Variants in SAMHD1 observed in about 807,000 individuals in gnomAD.
SAMHD1 encodes the protein deoxynucleoside triphosphate triphosphohydrolase SAMHD1.
In SAMHD1, 54 loss-of-function variants were observed where a neutral mutation model predicts 79.6. The ratio of observed to expected loss-of-function variants is 0.68; its 90% CI spans 0.55 to 0.85. The LOEUF is 0.85. Among genes scored for constraint, SAMHD1 ranks in the 40% least tolerant of loss-of-function variants. The pLI is 0.00. For missense variants in SAMHD1, 663 were observed against 782.7 expected (o/e 0.85, Z 1.82); for synonymous variants, 260 against 264.1 (o/e 0.98, Z 0.15).
intron 2 of SAMHD1, among the ~76,000 whole-genome samples, chr20:36,944,927 T>C (rs1435400063): frequency 6.6e-6 from 1 of 152,168 alleles, no homozygotes; most frequent in East Asian, 1.9e-4. Context: ...CCAGATCCTC[T>C]ACTGAGATCA....
chr20:36,894,016 G>A, intron 15 of SAMHD1: 1 of 398,234 alleles, frequency 2.5e-6, no homozygotes, highest in Non-Finnish European at 4.4e-6. Flanking sequence ...ACTATTCTGT[G>A]GTTCTAGCTT....
intron 11 of SAMHD1, among the ~76,000 whole-genome samples, chr20:36,907,359 C>T (rs1357987655): frequency 6.6e-6 from 1 of 151,916 alleles, no homozygotes; most frequent in Non-Finnish European, 1.5e-5. Context: ...CTCCTGGACT[C>T]AGGCAATCCT....
intron 1 of SAMHD1, 92 bp downstream of exon 1, chr20:36,951,344 C>T (rs2063733123): frequency 2.5e-6 from 4 of 1,569,850 alleles, no homozygotes; most frequent in Admixed American, 1.7e-5. Flanking sequence ...GCTCCTCGGC[C>T]TCGGTCCTCT....
intron 9 of SAMHD1, among the ~76,000 whole-genome samples, chr20:36,913,607 A>G (rs74378674): frequency 7.1e-6 from 1 of 140,298 alleles, no homozygotes; most frequent in African/African-American, 2.6e-5. Flanking sequence ...CAACTCAAAG[A>G]AAAAAAAAAA....
At chr20:36,922,353 A>G (rs2063511283) in intron 6 of SAMHD1, among the ~76,000 whole-genome samples, 1 of 152,226 alleles carries the variant, frequency 6.6e-6, no homozygotes, top group African/African-American at 2.4e-5. Flanking sequence ...TTTAGGAAAT[A>G]CCCACTGAAG....
At chr20:36,898,025 T>C in intron 14 of SAMHD1, 66 bp from the exon 15 acceptor site, 5 of 1,589,900 alleles carry the variant, frequency 3.1e-6, no homozygotes, top group South Asian at 2.2e-5. Context: ...AGCTGGTCCC[T>C]AGGCTCCTAA....
chr20:36,912,234 C>G (rs181711054), intron 10 of SAMHD1: 389 of 520,558 alleles, frequency 7.5e-4, no homozygotes, highest in East Asian at 5.1e-3. Flanking sequence ...TTCCCTTCAT[C>G]TGCCCCTTTA....
At chr20:36,903,711 G>T (rs535766027) in intron 13 of SAMHD1, among the ~76,000 whole-genome samples, 2 of 151,480 alleles carry the variant, frequency 1.3e-5, no homozygotes, top group Non-Finnish European at 2.9e-5. Flanking sequence ...CACCAAGCCC[G>T]GCTAATTTTT....
intron 14 of SAMHD1, 34 bp from the exon 15 acceptor site, chr20:36,897,993 G>T: frequency 6.2e-7 from 1 of 1,613,226 alleles, no homozygotes; most frequent in Non-Finnish European, 8.5e-7. Context: ...CTATCACCTT[G>T]AAGTCACACA....
chr20:36,898,972 A>G (rs562849017), intron 13 of SAMHD1, among the ~76,000 whole-genome samples: 2 of 151,944 alleles, frequency 1.3e-5, no homozygotes, highest in Admixed American at 6.6e-5. Flanking sequence ...GGATTTGGAA[A>G]TAAGAATGTT....
At position 36,946,844 on chromosome 20, in the gene SAMHD1, T is replaced by A. The variant is rs188460266; in HGVS notation, c.209-40A>T. ...AGACAAATTCAATGTATACAACATA[T>A]GCTTTTCATTTTCTTTCAATTTGGA... On this transcript the variant is annotated intron_variant, in intron 1 of 15. Transcript: ENST00000646673. 86 of 1,493,478 alleles carry A rather than the reference T, an allele frequency of 5.8e-5. No homozygotes were observed. In the African/African-American group the frequency reaches 1.0e-3, roughly 18 times the overall value. 92.5% of individuals were successfully genotyped at this position (1,493,478 alleles called of 1,614,324 possible).
intron 6 of SAMHD1, 148 bp from the exon 7 acceptor site, chr20:36,919,667 A>G: frequency 1.3e-6 from 1 of 767,274 alleles, no homozygotes; most frequent in Non-Finnish European, 2.1e-6. Flanking sequence ...TCTTAGGAAC[A>G]TTTTTAAAAA....
chr20:36,921,378 G>A (rs954353395), intron 6 of SAMHD1, among the ~76,000 whole-genome samples: 9 of 115,662 alleles, frequency 7.8e-5, no homozygotes, highest in Non-Finnish European at 1.3e-4. Context: ...GGGCGACACA[G>A]CGAGACTCTG....
At chr20:36,926,113 C>T (rs1004709528) in intron 6 of SAMHD1, among the ~76,000 whole-genome samples, 10 of 151,830 alleles carry the variant, frequency 6.6e-5, no homozygotes, top group African/African-American at 2.4e-4. Context: ...GTATTTCTAC[C>T]AAAATCTTGT....
intron 6 of SAMHD1, among the ~76,000 whole-genome samples, chr20:36,926,512 G>T (rs568643961): frequency 6.6e-6 from 1 of 151,958 alleles, no homozygotes; most frequent in Non-Finnish European, 1.5e-5. Flanking sequence ...TAGTCATATG[G>T]ATGTATACGC....
intron 13 of SAMHD1, among the ~76,000 whole-genome samples, chr20:36,902,666 T>A (rs1013103588): frequency 1.3e-5 from 2 of 152,094 alleles, no homozygotes; most frequent in African/African-American, 4.8e-5. Context: ...TTCTGCTAGG[T>A]AGATGCAAAG....
chr20:36,951,003 C>A (rs144731597), intron 1 of SAMHD1, among the ~76,000 whole-genome samples: 1,799 of 152,320 alleles, frequency 0.012, 17 homozygotes, highest in Admixed American at 0.02. Flanking sequence ...GGGGAAAAAT[C>A]TCCTTCTAAC....
chr20:36,941,675 TC>T (rs2063645028), intron 2 of SAMHD1, among the ~76,000 whole-genome samples: 1 of 151,982 alleles, frequency 6.6e-6, no homozygotes, highest in Non-Finnish European at 1.5e-5. Flanking sequence ...CAGCATATCA[TC>T]CTCCCTCCTG....
intron 2 of SAMHD1, among the ~76,000 whole-genome samples, chr20:36,945,384 T>C (rs1321500894): frequency 6.6e-6 from 1 of 152,160 alleles, no homozygotes; most frequent in Non-Finnish European, 1.5e-5. Flanking sequence ...TGTCTTTAAA[T>C]CTAATACCAG....
Sources: gnomAD v4.1 joint callset for allele counts (sites outside exome capture counted in the v4.1 genomes callset) on GRCh38, gnomAD v4.1.1 for gene constraint, MANE v1.5 for transcripts, NCBI Gene and HGNC (gene_info 2026-07-23, HGNC 2026-07-21) for gene names.